C2CD2: variants seen among roughly 807,000 people sequenced by gnomAD.
C2CD2 encodes C2 calcium dependent domain containing 2, also known as C2 domain-containing protein 2.
In C2CD2, 43 loss-of-function variants were observed where a neutral mutation model predicts 74.3. That is an observed-to-expected ratio of 0.58 (90% confidence interval 0.45 to 0.75). The LOEUF (loss-of-function observed/expected upper bound fraction) is 0.75, where lower values mean the gene tolerates loss of function less well. C2CD2 is among the 30% of genes least tolerant of loss of function. The probability of loss-of-function intolerance (pLI) is 0.00; values close to 1 mark genes in which losing one functional copy is unlikely to be tolerated. For missense variants in C2CD2, 801 were observed against 916.3 expected (o/e 0.87, Z 1.63); for synonymous variants, 422 against 390.7 (o/e 1.08, Z -0.94).
chr21:41,912,429 C>T lies in C2CD2; in HGVS notation c.856G>A (p.Ala286Thr). The change falls in exon 7 of 14, where the codon GCA (alanine) becomes ACA (threonine). Residue 286 changes from alanine (A) to threonine (T), a missense_variant. By Grantham distance (58) the Ala-to-Thr change is moderately conservative (BLOSUM62 0). Coordinates refer to ENST00000380486, the MANE Select transcript of C2CD2 (RefSeq NM_015500.2). ...SEPGASGHIN[A>T]VCVVQLNDPV... ...TCGTTCAGCTGCACGACGCACACTG[C>T]ATTAATGTGGCCTGTAATTAAATAG... The T allele has an allele frequency of 1.2e-6, 2 of 1,603,206 alleles. No individual in the cohort carries two copies. The highest frequency in any genetic ancestry group is 1.7e-6 in the Non-Finnish European group (2 of 1,174,622).
At chr21:41,917,253 C>G (rs967768213) in intron 5 of C2CD2, among the ~76,000 whole-genome samples, 7 of 152,216 alleles carry the variant, frequency 4.6e-5, no homozygotes, top group African/African-American at 1.7e-4. Context: ...TACCTACTGA[C>G]AGCTGGTGAC....
In C2CD2 at chr21:41,946,793, T is replaced by G. The variant is rs150434875; in HGVS notation, c.280-4548A>C. On this transcript the variant is annotated intron_variant, in intron 1 of 13. Coordinates refer to ENST00000380486, the MANE Select transcript of C2CD2 (RefSeq NM_015500.2). ...CTGACATCACAAGCCCCAGACACAGTGCACACCACTTCTGTGGTTTGTGTA... is the reference window on the plus strand; with the variant it reads ...CTGACATCACAAGCCCCAGACACAGGGCACACCACTTCTGTGGTTTGTGTA... Among the ~76,000 whole-genome samples, 6 of 152,248 alleles carry G rather than the reference T, an allele frequency of 3.9e-5. No individual in the cohort carries two copies. The East Asian group carries it at 1.2e-3, about 29-fold the overall frequency.
chr21:41,948,882 T>TTTTA (rs2065425704), intron 1 of C2CD2, among the ~76,000 whole-genome samples: 1 of 132,678 alleles, frequency 7.5e-6, no homozygotes, highest in African/African-American at 2.8e-5. Flanking sequence ...TTTTTTTTTT[T>TTTTA]TTTTTTTTTT....
chr21:41,922,458 C>T (rs1268589711), intron 2 of C2CD2, among the ~76,000 whole-genome samples: 1 of 149,890 alleles, frequency 6.7e-6, no homozygotes, highest in Non-Finnish European at 1.5e-5. Flanking sequence ...AGCCACTGTG[C>T]TCAGCTGCCA....
At chr21:41,901,555 G>C in intron 12 of C2CD2, 67 bp downstream of exon 12, 4 of 1,560,592 alleles carry the variant, frequency 2.6e-6, no homozygotes, top group Non-Finnish European at 3.5e-6. Flanking sequence ...CTTCTTCAAA[G>C]GGCAGAGGAG....
In C2CD2 at chr21:41,925,753, G is replaced by A. The variant is rs551135186; in HGVS notation, c.379-3668C>T. Reference sequence around the variant, plus strand: ...CCCCACGGGCTGAAAGGGGTTCCTCGCATCACAGCAGAAGTCAGGATCGCC... The same window carrying A: ...CCCCACGGGCTGAAAGGGGTTCCTCACATCACAGCAGAAGTCAGGATCGCC... On this transcript the variant is annotated intron_variant, in intron 2 of 13. Transcript: ENST00000380486. Among the ~76,000 whole-genome samples, 10 of 152,312 alleles carry A rather than the reference G, an allele frequency of 6.6e-5. No homozygotes were observed. In the South Asian group the frequency reaches 1.2e-3, roughly 19 times the overall value.
In C2CD2 at chr21:41,901,664, C is replaced by A. The variant is rs374371561; in HGVS notation, c.1518G>T (p.Ser506=). 6.2e-7 allele frequency: 1 copy of A among 1,614,124 alleles called. No individual in the cohort carries two copies. The change falls in exon 12 of 14, where the codon TCG becomes TCT. Residue 506 remains serine (S), a synonymous_variant. Transcript: ENST00000380486. ...LSESSKLKLK[S]PRKKSTIIIS... ...TGATAATAGTGCTTTTCTTCCGTGGCGACTTGAGTTTCAGCTTTGAAGATT... is the reference window on the plus strand; with the variant it reads ...TGATAATAGTGCTTTTCTTCCGTGGAGACTTGAGTTTCAGCTTTGAAGATT...
chr21:41,912,650 T>C (rs1489339304), intron 6 of C2CD2, among the ~76,000 whole-genome samples: 3 of 151,962 alleles, frequency 2.0e-5, no homozygotes, highest in Non-Finnish European at 2.9e-5. Context: ...GCCTCCACGC[T>C]CAGCTAATTT....
chr21:41,893,700 T>TTC (rs2064784915), intron 13 of C2CD2, among the ~76,000 whole-genome samples: 1 of 100,380 alleles, frequency 1.0e-5, no homozygotes, highest in South Asian at 3.4e-4. Context: ...TTAAATTTCT[T>TTC]TTTTTTTTTT....
intron 9 of C2CD2, 114 bp from the exon 10 acceptor site, chr21:41,907,280 G>A: frequency 1.2e-6 from 1 of 856,528 alleles, no homozygotes; most frequent in Non-Finnish European, 1.9e-6. Flanking sequence ...CTTCCCTTAA[G>A]GTCACTTAGC....
At chr21:41,894,847 G>A in intron 13 of C2CD2, 1 of 456,764 alleles carries the variant, frequency 2.2e-6, no homozygotes, top group Non-Finnish European at 4.4e-6. Context: ...ACACTAAATA[G>A]CCGCCCCATG....
chr21:41,940,102 A>C (rs1044010542), intron 2 of C2CD2, among the ~76,000 whole-genome samples: 1 of 152,198 alleles, frequency 6.6e-6, no homozygotes, highest in African/African-American at 2.4e-5. Context: ...AAATAATACA[A>C]ATATTCAAAA....
intron 6 of C2CD2, among the ~76,000 whole-genome samples, chr21:41,914,166 T>G (rs541818634): frequency 6.6e-6 from 1 of 151,732 alleles, no homozygotes; most frequent in Non-Finnish European, 1.5e-5. Flanking sequence ...GTGGAGGTTG[T>G]AGTGAGCCGA....
intron 2 of C2CD2, among the ~76,000 whole-genome samples, chr21:41,928,410 G>A (rs1405070165): frequency 6.6e-6 from 1 of 151,962 alleles, no homozygotes; most frequent in Non-Finnish European, 1.5e-5. Flanking sequence ...CAGAGGACGG[G>A]GTCTCCAATG....
chr21:41,936,655 T>C (rs940869256), intron 2 of C2CD2, among the ~76,000 whole-genome samples: 3 of 152,084 alleles, frequency 2.0e-5, no homozygotes, highest in Admixed American at 2.0e-4. Context: ...ATAGATTTTT[T>C]CCCACCTCTG....
In C2CD2 at chr21:41,939,587, C is replaced by T. The variant is rs1457484912; in HGVS notation, c.378+2560G>A. Among the ~76,000 whole-genome samples the T allele has an allele frequency of 6.6e-6, 1 of 152,230 alleles. No individual in the cohort carries two copies. Among genetic ancestry groups the T allele is most frequent in the Non-Finnish European group, 1.5e-5 (1 of 68,040 alleles). On this transcript the variant is annotated intron_variant, in intron 2 of 13. Transcript: ENST00000380486. This position sits in a 1 kb window ranked among gnomAD's most constrained non-coding sequence, Gnocchi z 5.5. ...TCAGCTCCCAAGAGTATAAAATGGGCACTGGAGCACCTGCCGCAGGGCCCT... is the reference window on the plus strand; with the variant it reads ...TCAGCTCCCAAGAGTATAAAATGGGTACTGGAGCACCTGCCGCAGGGCCCT...
rs984901977 is a variant in C2CD2 at position 41,929,411 on chromosome 21, C to T, written c.379-7326G>A. Among the ~76,000 whole-genome samples the T allele has an allele frequency of 2.6e-5, 4 of 152,152 alleles. No homozygotes were observed. The highest frequency in any genetic ancestry group is 4.8e-5 in the African/African-American group (2 of 41,422). On this transcript the variant is annotated intron_variant, in intron 2 of 13. Transcript: ENST00000380486. The surrounding 1 kb of genome is among the most constrained non-coding windows in gnomAD (Gnocchi z 4.6). Reference sequence around the variant, plus strand: ...AACGTGTGCCATGCGGGGTACTGCACGGGCACAGGCCTGCCCTGCTTCCCA... The same window carrying T: ...AACGTGTGCCATGCGGGGTACTGCATGGGCACAGGCCTGCCCTGCTTCCCA...
intron 12 of C2CD2, among the ~76,000 whole-genome samples, chr21:41,900,801 C>CA (rs1028990192): frequency 3.3e-5 from 5 of 151,582 alleles, no homozygotes; most frequent in African/African-American, 7.3e-5. Flanking sequence ...TTGGAAATGT[C>CA]AAAAAAAAGT....
At chr21:41,944,162 A>C (rs73221444) in intron 1 of C2CD2, among the ~76,000 whole-genome samples, 2 of 152,198 alleles carry the variant, frequency 1.3e-5, no homozygotes, top group Non-Finnish European at 2.9e-5. Context: ...TGCTCCCCTG[A>C]GGCGGCAGAT....
Sources: allele counts gnomAD v4.1 joint callset (sites outside exome capture counted in the v4.1 genomes callset), GRCh38; gene constraint gnomAD v4.1.1; non-coding constraint Gnocchi (gnomAD v3.1); transcripts MANE v1.5; gene names NCBI Gene and HGNC (gene_info 2026-07-23, HGNC 2026-07-21).